NHSL1: variants seen among roughly 807,000 people sequenced by gnomAD.
NHSL1 encodes NHS-like protein 1.
A neutral mutation model predicts 95.0 loss-of-function variants in NHSL1; 48 were observed. The observed-to-expected ratio is 0.51, with a 90% confidence interval of 0.40 to 0.64. The LOEUF is 0.64. NHSL1 is among the 30% of genes least tolerant of loss of function. The pLI is 0.00. For synonymous variants in NHSL1, 783 were observed against 833.9 expected, an observed-to-expected ratio of 0.94 and a Z score of 1.05; for missense variants, 1,971 against 2,077.7, an observed-to-expected ratio of 0.95 and a Z score of 1.00.
In NHSL1 at chr6:138,437,440, ACACAC is replaced by A. The variant is rs370432417; in HGVS notation, c.665-3765_665-3761del. Among the ~76,000 whole-genome samples the A allele has an allele frequency of 7.8e-3, 322 of 41,440 alleles. 50 individuals carry two copies. The highest frequency in any genetic ancestry group is 0.015 in the East Asian group (22 of 1,482). 27.2% of individuals were successfully genotyped at this position (41,440 alleles called of 152,430 possible). ...CACACACACACACACACACACACACACACACAAAAAAAAAAAAAAAAAATACAATG... is the reference window on the plus strand; with the variant it reads ...CACACACACACACACACACACACACAAAAAAAAAAAAAAAAAAATACAATG... On this transcript the variant is annotated intron_variant, in intron 5 of 7. Transcript: ENST00000343505.
chr6:138,517,036 G>A (rs544538311), intron 1 of NHSL1, among the ~76,000 whole-genome samples: 39 of 152,278 alleles, frequency 2.6e-4, no homozygotes, highest in South Asian at 1.7e-3. Flanking sequence ...TAAATCCAAG[G>A]TGAACTATAA....
In NHSL1 at chr6:138,553,943, T is replaced by C. The variant is rs144669611; in HGVS notation, c.202+17767A>G. On this transcript the variant is annotated intron_variant, in intron 1 of 6. Transcript: ENST00000427025. ...CCTGAATTAAATATTTGAAGGATGA[T>C]GGAAGTGAAAAAGGAAGAAAAATAT... 1.9e-3 allele frequency among the ~76,000 whole-genome samples: 296 copies of C among 152,228 alleles called. 2 individuals are homozygous for C. The highest frequency in any genetic ancestry group is 6.9e-3 in the African/African-American group (285 of 41,546).
chr6:138,554,452 T>C (rs1421740490), intron 1 of NHSL1, among the ~76,000 whole-genome samples: 5 of 152,238 alleles, frequency 3.3e-5, no homozygotes, highest in Admixed American at 2.6e-4. Context: ...TTCAAGTTCA[T>C]GTACCAATCA....
chr6:138,658,182 G>T (rs911958179), intron 1 of NHSL1, among the ~76,000 whole-genome samples: 1 of 152,044 alleles, frequency 6.6e-6, no homozygotes, highest in South Asian at 2.1e-4. Context: ...AATAAAAATT[G>T]TATATATTTA....
upstream of NHSL1, among the ~76,000 whole-genome samples, chr6:138,549,792 G>A (rs1479581893): frequency 6.6e-6 from 1 of 152,130 alleles, no homozygotes; most frequent in Non-Finnish European, 1.5e-5. Context: ...GCAGCAAAAT[G>A]TTATAGCACT....
intron 1 of NHSL1, among the ~76,000 whole-genome samples, chr6:138,638,980 G>A (rs1029306536): frequency 1.3e-5 from 2 of 152,216 alleles, no homozygotes; most frequent in Non-Finnish European, 2.9e-5. Flanking sequence ...TGTGCCCAAA[G>A]GGGATGGTAA....
intron 1 of NHSL1, among the ~76,000 whole-genome samples, chr6:138,684,874 TC>T (rs1785564965): frequency 6.6e-6 from 1 of 152,190 alleles, no homozygotes; most frequent in Non-Finnish European, 1.5e-5. Flanking sequence ...AGTCATTCAT[TC>T]CAGGATAGAA....
At chr6:138,680,693 T>A (rs911303451) in intron 1 of NHSL1, among the ~76,000 whole-genome samples, 1 of 152,222 alleles carries the variant, frequency 6.6e-6, no homozygotes, top group African/African-American at 2.4e-5. Context: ...CTTAGCTCAC[T>A]GCAACCTCTG....
At chr6:138,530,371 T>G (rs1782082890) in intron 1 of NHSL1, among the ~76,000 whole-genome samples, 1 of 152,158 alleles carries the variant, frequency 6.6e-6, no homozygotes, top group Non-Finnish European at 1.5e-5. Flanking sequence ...AGTATGGAGA[T>G]TCCTTAAAGA....
intron 2 of NHSL1, among the ~76,000 whole-genome samples, chr6:138,495,013 T>C (rs1583300828): frequency 6.6e-6 from 1 of 151,952 alleles, no homozygotes; most frequent in Non-Finnish European, 1.5e-5. Flanking sequence ...GAGGCTGAGG[T>C]GGGTGGATCA....
At chr6:138,688,706 C>G (rs986532814) in intron 1 of NHSL1, among the ~76,000 whole-genome samples, 1 of 151,936 alleles carries the variant, frequency 6.6e-6, no homozygotes, top group African/African-American at 2.4e-5. Flanking sequence ...CTATTGATTT[C>G]TGCTTAGCAA....
intron 1 of NHSL1, among the ~76,000 whole-genome samples, chr6:138,544,699 AAAGATATG>A (rs1248748174): frequency 6.6e-6 from 1 of 152,212 alleles, no homozygotes; most frequent in East Asian, 1.9e-4. Context: ...ACATACACTG[AAAGATATG>A]AACAGAACAG....
At chr6:138,626,179 C>T (rs991789316) in intron 1 of NHSL1, among the ~76,000 whole-genome samples, 1 of 152,202 alleles carries the variant, frequency 6.6e-6, no homozygotes, top group African/African-American at 2.4e-5. Flanking sequence ...CACCTGTCTT[C>T]CTAGCCAACA....
At chr6:138,469,052 A>G (rs1778579158) in intron 3 of NHSL1, among the ~76,000 whole-genome samples, 2 of 152,150 alleles carry the variant, frequency 1.3e-5, no homozygotes, top group South Asian at 4.1e-4. Flanking sequence ...AGGGGTGAGG[A>G]GTGTTTCTGG....
At chr6:138,569,060 C>T (rs541551848) in intron 1 of NHSL1, among the ~76,000 whole-genome samples, 4 of 152,250 alleles carry the variant, frequency 2.6e-5, no homozygotes, top group East Asian at 1.9e-4. Flanking sequence ...CTGGAGACAG[C>T]GGGCAGGGAA....
intron 1 of NHSL1, among the ~76,000 whole-genome samples, chr6:138,599,471 C>G (rs1322115580): frequency 2.6e-5 from 4 of 152,034 alleles, no homozygotes; most frequent in Non-Finnish European, 5.9e-5. Flanking sequence ...GAGACTGCAC[C>G]ATTGCACTCC....
At chr6:138,641,533 G>A (rs1784959141) in intron 1 of NHSL1, among the ~76,000 whole-genome samples, 1 of 147,608 alleles carries the variant, frequency 6.8e-6, no homozygotes, top group Admixed American at 7.0e-5. Context: ...TGATGCAGGA[G>A]AATCGCTTGA....
At chr6:138,640,600 T>C (rs1784947416) in intron 1 of NHSL1, among the ~76,000 whole-genome samples, 1 of 152,194 alleles carries the variant, frequency 6.6e-6, no homozygotes, top group African/African-American at 2.4e-5. Flanking sequence ...CTAATAACAT[T>C]TTCCTTTATC....
In NHSL1 at chr6:138,432,795, G is replaced by A. The variant is rs910869592; in HGVS notation, c.1550C>T (p.Pro517Leu). Residue 517 changes from proline to leucine, a missense_variant, in exon 6 of 8, where the codon CCG becomes CTG. By Grantham distance (98) the Pro-to-Leu change is moderately conservative. This residue lies in a region of NHSL1 where 1,602 missense variants were observed against 1,654.5 expected (regional missense o/e 0.97). Coordinates refer to ENST00000343505, the MANE Select transcript of NHSL1 (RefSeq NM_001144060.2). This position sits in a 1 kb window ranked among gnomAD's most constrained non-coding sequence, Gnocchi z 4.4. ...GGCCAGGTTGTTTCTACAATTATAC[G>A]GCATAGCTTGGGACCCATTCTCCCT... ...ANRENGSQAMPYNCRNNLAFP... is the reference protein window; with the variant it reads ...ANRENGSQAMLYNCRNNLAFP... 7.1e-6 allele frequency: 11 copies of A among 1,551,528 alleles called. No individual in the cohort carries two copies. The highest frequency in any genetic ancestry group is 2.7e-5 in the African/African-American group (2 of 73,028).
Sources: gnomAD v4.1 joint callset for allele counts (sites outside exome capture counted in the v4.1 genomes callset) on GRCh38, gnomAD v4.1.1 for gene constraint, gnomAD v4.1.1 regional missense constraint, Gnocchi (gnomAD v3.1) non-coding constraint, MANE v1.5 for transcripts, NCBI Gene and HGNC (gene_info 2026-07-23, HGNC 2026-07-21) for gene names.